The following NPAS3 variants were observed in gnomAD, a reference collection of about 807,000 sequenced individuals.
NPAS3 encodes the protein neuronal PAS domain-containing protein 3.
NPAS3 carries 14 observed loss-of-function variants against 73.1 expected under a neutral mutation model. The ratio of observed to expected loss-of-function variants is 0.19; its 90% CI spans 0.13 to 0.30. The LOEUF (loss-of-function observed/expected upper bound fraction) is 0.30, where lower values mean the gene tolerates loss of function less well. NPAS3 is among the 10% of genes least tolerant of loss of function. NPAS3 has a pLI of 1.00. For missense variants in NPAS3, 1,096 were observed against 1,250.0 expected (o/e 0.88, Z 1.86); for synonymous variants, 620 against 541.5 (o/e 1.14, Z -2.01).
intron 4 of NPAS3, among the ~76,000 whole-genome samples, chr14:33,452,495 G>C (rs943808791): frequency 1.3e-5 from 2 of 152,016 alleles, no homozygotes; most frequent in South Asian, 4.2e-4. Flanking sequence ...AGTCATGGCC[G>C]GGCGTGTTGG....
At chr14:32,951,102 G>A (rs2036466894) in intron 1 of NPAS3, among the ~76,000 whole-genome samples, 1 of 151,988 alleles carries the variant, frequency 6.6e-6, no homozygotes, top group South Asian at 2.1e-4. Flanking sequence ...CATAAATCCT[G>A]GTCACCAGTG....
chr14:33,160,462 AG>A lies in NPAS3; in HGVS notation c.141-54716del, dbSNP rs1033673964. Among the ~76,000 whole-genome samples, 142 of 123,344 alleles carry A rather than the reference AG, an allele frequency of 1.2e-3. 1 individual carries two copies. Among genetic ancestry groups the A allele is most frequent in the African/African-American group, 4.3e-3 (138 of 32,070 alleles). The allele number at this position is 123,344 out of a possible 152,430, so 80.9% of individuals were successfully genotyped here. On this transcript the variant is annotated intron_variant, in intron 2 of 11. Transcript: ENST00000356141. ...CAAAGAAAAGTCTGTGGCTCTGGGA[AG>A]GGGAACATCACACACCGGGGCCTGT...
rs74392404 is a variant in NPAS3 at position 33,373,668 on chromosome 14, T to A, written c.468+6400T>A. Among the ~76,000 whole-genome samples the A allele has an allele frequency of 3.0e-3, 463 of 152,244 alleles. 7 individuals carry two copies. In the East Asian group the frequency reaches 0.054, roughly 18 times the overall value. On this transcript the variant is annotated intron_variant, in intron 4 of 11. Coordinates refer to ENST00000356141, the Ensembl canonical transcript of NPAS3. ...TAAATTAAAGTAATGGTGGAAATAT[T>A]GTATCCATGTGTCAATTTTTGCTTG...
intron 4 of NPAS3, among the ~76,000 whole-genome samples, chr14:33,430,287 C>G (rs1335036250): frequency 6.6e-6 from 1 of 152,094 alleles, no homozygotes; most frequent in Non-Finnish European, 1.5e-5. Flanking sequence ...TTCAGTTCTT[C>G]TTTCCTTCAT....
intron 1 of NPAS3, among the ~76,000 whole-genome samples, chr14:32,968,527 G>A (rs1275991168): frequency 2.0e-5 from 3 of 152,098 alleles, no homozygotes; most frequent in Non-Finnish European, 2.9e-5. Flanking sequence ...CATCAGTTTT[G>A]TACTTGGAAT....
chr14:33,440,660 A>G (rs1420565971), intron 4 of NPAS3, among the ~76,000 whole-genome samples: 2 of 152,216 alleles, frequency 1.3e-5, no homozygotes, highest in African/African-American at 2.4e-5. Flanking sequence ...TGGGAGGCTG[A>G]GGCGGGTGGA....
intron 5 of NPAS3, among the ~76,000 whole-genome samples, chr14:33,672,968 GTGA>G (rs1292013054): frequency 1.3e-5 from 2 of 152,258 alleles, no homozygotes; most frequent in African/African-American, 4.8e-5. Context: ...CATGTAAGAT[GTGA>G]TGATAATGAT....
At chr14:33,329,506 G>A (rs2043880065) in intron 3 of NPAS3, among the ~76,000 whole-genome samples, 1 of 152,166 alleles carries the variant, frequency 6.6e-6, no homozygotes. Flanking sequence ...GCAGCCGAGG[G>A]GAAGCAGCAA....
intron 5 of NPAS3, among the ~76,000 whole-genome samples, chr14:33,570,093 C>G (rs951359383): frequency 6.6e-6 from 1 of 152,086 alleles, no homozygotes; most frequent in African/African-American, 2.4e-5. Flanking sequence ...AGATTGTTAT[C>G]TAATCTACAA....
intron 2 of NPAS3, among the ~76,000 whole-genome samples, chr14:33,080,663 C>A (rs1006320956): frequency 7.9e-5 from 12 of 152,286 alleles, no homozygotes; most frequent in Admixed American, 7.8e-4. Context: ...GCTGCATGAA[C>A]AGAAAGTTTG....
At chr14:33,467,743 C>T (rs939236139) in intron 4 of NPAS3, among the ~76,000 whole-genome samples, 2 of 151,980 alleles carry the variant, frequency 1.3e-5, no homozygotes, top group African/African-American at 2.4e-5. Flanking sequence ...CGGCAGGGCT[C>T]GGAGGCCTCA....
At chr14:33,405,367 A>G (rs1297435827) in intron 4 of NPAS3, among the ~76,000 whole-genome samples, 1 of 152,118 alleles carries the variant, frequency 6.6e-6, no homozygotes, top group Non-Finnish European at 1.5e-5. Context: ...TATGAGGGAA[A>G]GTCTCCTTCC....
chr14:33,788,401 C>G (rs2063245379), intron 9 of NPAS3, among the ~76,000 whole-genome samples: 1 of 152,172 alleles, frequency 6.6e-6, no homozygotes, highest in Non-Finnish European at 1.5e-5. Flanking sequence ...TCACCATTTC[C>G]TATTTATTCT....
intron 4 of NPAS3, among the ~76,000 whole-genome samples, chr14:33,454,700 G>T (rs964909847): frequency 6.6e-6 from 1 of 152,090 alleles, no homozygotes; most frequent in African/African-American, 2.4e-5. Context: ...TCACCACAGG[G>T]GATTCGGGAA....
chr14:33,560,728 T>C (rs757794334), intron 5 of NPAS3, among the ~76,000 whole-genome samples: 35 of 152,202 alleles, frequency 2.3e-4, no homozygotes, highest in Non-Finnish European at 4.0e-4. Context: ...GATGATTTCA[T>C]AAAATAAGAC....
chr14:33,125,795 T>C (rs541611399), intron 2 of NPAS3, among the ~76,000 whole-genome samples: 50 of 152,260 alleles, frequency 3.3e-4, no homozygotes, highest in African/African-American at 1.1e-3. Flanking sequence ...ACCATACATG[T>C]TAGGAAAGAG....
chr14:33,055,566 T>C (rs2040859273), intron 1 of NPAS3, among the ~76,000 whole-genome samples: 1 of 152,230 alleles, frequency 6.6e-6, no homozygotes, highest in Non-Finnish European at 1.5e-5. Context: ...ATGACATTTG[T>C]TTTTAACATT....
At chr14:33,240,256 A>G (rs1363639168) in intron 3 of NPAS3, among the ~76,000 whole-genome samples, 5 of 152,008 alleles carry the variant, frequency 3.3e-5, no homozygotes, top group African/African-American at 1.2e-4. Context: ...TACTCTGATC[A>G]TTCACTTACA....
chr14:33,127,876 T>C (rs574103675), intron 2 of NPAS3, among the ~76,000 whole-genome samples: 1 of 152,174 alleles, frequency 6.6e-6, no homozygotes, highest in Non-Finnish European at 1.5e-5. Context: ...TGATACAAAA[T>C]CTCAAAAGAA....
Sources: gnomAD v4.1 joint callset for allele counts (sites outside exome capture counted in the v4.1 genomes callset) on GRCh38, gnomAD v4.1.1 for gene constraint, MANE v1.5 for transcripts, NCBI Gene and HGNC (gene_info 2026-07-23, HGNC 2026-07-21) for gene names.